Variants in PADI2 observed in about 807,000 individuals in gnomAD.
PADI2 encodes the protein protein-arginine deiminase type-2.
Under a neutral mutation model 81.1 loss-of-function variants are expected in PADI2, and 70 were observed. That is an observed-to-expected ratio of 0.86 (90% CI 0.71 to 1.05). The LOEUF (loss-of-function observed/expected upper bound fraction) is 1.05. PADI2 is among the 50% of genes least tolerant of loss of function. PADI2 has a pLI of 0.00. For synonymous variants in PADI2, 338 were observed against 358.0 expected (o/e 0.94, Z 0.63); for missense variants, 853 against 889.9 (o/e 0.96, Z 0.53).
At chr1:17,081,314 C>T (rs1301155171) in intron 10 of PADI2, among the ~76,000 whole-genome samples, 4 of 152,210 alleles carry the variant, frequency 2.6e-5, no homozygotes, top group Admixed American at 6.5e-5. Flanking sequence ...ATCTTCACAA[C>T]ATTCTGTGAG....
chr1:17,117,821 C>A (rs936595214), intron 1 of PADI2, among the ~76,000 whole-genome samples: 1 of 152,246 alleles, frequency 6.6e-6, no homozygotes, highest in African/African-American at 2.4e-5. Flanking sequence ...TCCGCGCCCA[C>A]TCCCTAGCGG....
At chr1:17,085,091 C>T (rs960401431) in intron 7 of PADI2, among the ~76,000 whole-genome samples, 9 of 152,240 alleles carry the variant, frequency 5.9e-5, no homozygotes, top group Non-Finnish European at 1.0e-4. Flanking sequence ...TTCCTGAAAT[C>T]GCCCCACGCA....
intron 3 of PADI2, among the ~76,000 whole-genome samples, chr1:17,098,757 C>A (rs1931034972): frequency 6.6e-6 from 1 of 152,220 alleles, no homozygotes. Context: ...CTGGCCCCTT[C>A]ACCCTCAGAG....
chr1:17,096,183 T>C (rs892941874), intron 3 of PADI2, among the ~76,000 whole-genome samples: 9 of 152,182 alleles, frequency 5.9e-5, no homozygotes, highest in African/African-American at 1.9e-4. Context: ...CCTCGTAGCT[T>C]ACGGCTGCAA....
At position 17,093,643 on chromosome 1, in the gene PADI2, C is replaced by A. The variant is rs546288586; in HGVS notation, c.453G>T (p.Leu151=). Residue 151 remains leucine, a synonymous_variant, in exon 5 of 16, where the codon CTG becomes CTT. Transcript: ENST00000375486. ...TWGPEGQGAI[L]LVNCDRETPW... ...GTGTCTCTCGGTCACAGTTCACCAG[C>A]AGGATGGCCCCCTGGCCCTCGGGGC... 6.2e-7 allele frequency: 1 copy of A among 1,614,042 alleles called. No homozygotes were observed. Among genetic ancestry groups the A allele is most frequent in the South Asian group, 1.1e-5 (1 of 91,052 alleles).
rs932596280 is a variant in PADI2, at chr1:17,068,055, T to C, written c.*989A>G. The stretch of plus-strand genomic sequence containing the variant: ...GAGGGTAGGCCAGGGTCCTTATGTG[T>C]TGGATCTGATGTCCGGAGAGGAGGG... On this transcript the variant is annotated 3_prime_UTR_variant, in exon 16 of 16. Coordinates refer to ENST00000375486, the MANE Select transcript of PADI2 (RefSeq NM_007365.3). 10 of 152,770 alleles carry C rather than the reference T, an allele frequency of 6.5e-5. No homozygotes were observed. Among genetic ancestry groups the C allele is most frequent in the African/African-American group, 2.2e-4 (9 of 41,546 alleles). 9.5% of individuals were successfully genotyped at this position (152,770 alleles called of 1,614,324 possible).
rs758825939 is a variant in PADI2 at position 17,103,080 on chromosome 1, T to C, written c.277-21A>G. Reference sequence around the variant, plus strand: ...GTGACCTTGGTGGGGAGGGGGCACATTGGAGTAGAGAGAAAAGAGAGCAGA... The same window carrying C: ...GTGACCTTGGTGGGGAGGGGGCACACTGGAGTAGAGAGAAAAGAGAGCAGA... On this transcript the variant is annotated intron_variant, in intron 2 of 15. Transcript: ENST00000375486. The C allele has an allele frequency of 7.0e-6, 11 of 1,578,510 alleles. No individual in the cohort carries two copies. In the East Asian group the frequency reaches 2.2e-4, roughly 32 times the overall value.
intron 8 of PADI2, among the ~76,000 whole-genome samples, 161 bp downstream of exon 8, chr1:17,084,438 C>A (rs2078370094): frequency 6.6e-6 from 1 of 152,192 alleles, no homozygotes; most frequent in African/African-American, 2.4e-5. Context: ...TCATTTAATT[C>A]TCACAGTGAC....
chr1:17,083,567 A>C (rs2078362560), intron 9 of PADI2, 159 bp downstream of exon 9: 3 of 612,316 alleles, frequency 4.9e-6, no homozygotes, highest in South Asian at 1.9e-5. Context: ...ACTGTAGTGC[A>C]CTTGTATGTT....
chr1:17,069,382 G>A (rs999372173), intron 15 of PADI2, 105 bp from the exon 16 acceptor site: 1 of 839,328 alleles, frequency 1.2e-6, no homozygotes, highest in Non-Finnish European at 1.9e-6. Flanking sequence ...CTGTGAAGTA[G>A]TAACTGTGAT....
chr1:17,081,864 GC>G lies in PADI2; in HGVS notation c.1158+680del, dbSNP rs1288779964. Among the ~76,000 whole-genome samples the G allele has an allele frequency of 7.9e-5, 12 of 152,308 alleles. No individual in the cohort carries two copies. The South Asian group carries it at 2.3e-3, about 29-fold the overall frequency. ...ACAGTGGCTCACACCTGTAATCCCAGCACTTTGGGAGGCCAAGGTAAGTGGA... is the reference window on the plus strand; with the variant it reads ...ACAGTGGCTCACACCTGTAATCCCAGACTTTGGGAGGCCAAGGTAAGTGGA... On this transcript the variant is annotated intron_variant, in intron 10 of 15. Transcript: ENST00000375486.
chr1:17,088,219 G>T (rs1930539851), intron 6 of PADI2, among the ~76,000 whole-genome samples: 1 of 152,200 alleles, frequency 6.6e-6, no homozygotes, highest in Non-Finnish European at 1.5e-5. Context: ...TGGCAGAAAT[G>T]GGTGTGTTGG....
At chr1:17,117,733 G>C (rs1162545802) in intron 1 of PADI2, among the ~76,000 whole-genome samples, 1 of 152,222 alleles carries the variant, frequency 6.6e-6, no homozygotes, top group Non-Finnish European at 1.5e-5. Context: ...CAGCTTTTCA[G>C]GCGGCACCAA....
At chr1:17,080,045 C>T (rs2078332856) in intron 10 of PADI2, among the ~76,000 whole-genome samples, 1 of 152,156 alleles carries the variant, frequency 6.6e-6, no homozygotes, top group Admixed American at 6.6e-5. Context: ...CCCACCTTGG[C>T]CTCCCAAAGT....
intron 4 of PADI2, among the ~76,000 whole-genome samples, chr1:17,095,175 C>A: frequency 6.6e-6 from 1 of 152,182 alleles, no homozygotes; most frequent in East Asian, 1.9e-4. Context: ...CAGTTAGAAG[C>A]AACAGCCTGA....
At chr1:17,086,770 T>C (rs1930464377) in intron 6 of PADI2, 71 bp from the exon 7 acceptor site, 1 of 1,378,676 alleles carries the variant, frequency 7.3e-7, no homozygotes, top group African/African-American at 1.4e-5. Context: ...GGATCACCGA[T>C]GGGGACAAAA....
intron 10 of PADI2, 36 bp downstream of exon 10, chr1:17,082,509 T>C (rs769791839): frequency 4.6e-6 from 6 of 1,315,634 alleles, no homozygotes; most frequent in Non-Finnish European, 6.6e-6. Flanking sequence ...ATCTCCAGGA[T>C]CATGCTCCAC....
chr1:17,077,364 G>A (rs1442558985), intron 11 of PADI2, among the ~76,000 whole-genome samples: 11 of 152,094 alleles, frequency 7.2e-5, no homozygotes, highest in Admixed American at 4.6e-4. Context: ...TCTGGTCACC[G>A]CTGTATCCCC....
chr1:17,078,597 A>G (rs2078321920), intron 11 of PADI2, among the ~76,000 whole-genome samples: 1 of 152,114 alleles, frequency 6.6e-6, no homozygotes, highest in South Asian at 2.1e-4. Context: ...CATGTTGTCC[A>G]GGCTGGTCTC....
Sources: allele counts gnomAD v4.1 joint callset (sites outside exome capture counted in the v4.1 genomes callset), GRCh38; gene constraint gnomAD v4.1.1; transcripts MANE v1.5; gene names NCBI Gene and HGNC (gene_info 2026-07-23, HGNC 2026-07-21).